Variants in WWP2 observed in about 807,000 individuals in gnomAD.
WWP2 encodes NEDD4-like E3 ubiquitin-protein ligase WWP2.
WWP2 carries 57 observed loss-of-function variants against 121.0 expected under a neutral mutation model. That is an observed-to-expected ratio of 0.47 (90% CI 0.38 to 0.59). The LOEUF (loss-of-function observed/expected upper bound fraction) is 0.59, where lower values mean the gene tolerates loss of function less well. Ranked by LOEUF, WWP2 falls within the 20% of genes least tolerant of loss-of-function variation. The pLI, the probability that WWP2 is intolerant of heterozygous loss-of-function variation, is 0.00. For missense variants in WWP2, 962 were observed against 1,158.9 expected (o/e 0.83, Z 2.47); for synonymous variants, 449 against 441.3 (o/e 1.02, Z -0.22).
chr16:69,840,360 T>G (rs1668667230), intron 5 of WWP2, 97 bp downstream of exon 5: 2 of 1,542,750 alleles, frequency 1.3e-6, no homozygotes, highest in Admixed American at 1.8e-5. Flanking sequence ...TAGGCCATCT[T>G]GGTTTGATTC....
At chr16:69,896,267 C>A (rs1015451514) in intron 8 of WWP2, among the ~76,000 whole-genome samples, 1 of 152,048 alleles carries the variant, frequency 6.6e-6, no homozygotes, top group Non-Finnish European at 1.5e-5. Context: ...GACTACCATG[C>A]GCCACCATGC....
Position 69,842,102 on chromosome 16 carries a change from G to T in WWP2, c.557G>T (p.Cys186Phe). Residue 186 changes from cysteine (C) to phenylalanine (F), a missense_variant, in exon 6 of 24, where the codon TGC becomes TTC. Around this residue, in one of 3 missense-constraint regions of WWP2, gnomAD observed 211 missense variants for 196.5 expected, o/e 1.07. Coordinates refer to ENST00000359154, the MANE Select transcript of WWP2 (RefSeq NM_001270454.2). ...CGGCACCAGCCCCCCAGCACAAACT[G>T]CTTTGGTGGAAGATCCCGGTAAGAC... is the stretch of plus-strand genomic sequence containing the variant. ...ENRHQPPSTN[C>F]FGGRSRTHRH... is the part of the protein sequence containing the mutation. The T allele has an allele frequency of 6.2e-7, 1 of 1,613,028 alleles. No homozygotes were observed. Among genetic ancestry groups the T allele is most frequent in the Non-Finnish European group, 8.5e-7 (1 of 1,179,624 alleles).
chr16:69,917,637 C>T, intron 9 of WWP2, 72 bp from the exon 10 acceptor site: 3 of 1,557,270 alleles, frequency 1.9e-6, no homozygotes, highest in Non-Finnish European at 1.8e-6. Flanking sequence ...GCTAGGCATC[C>T]TGAGACTTTT....
At chr16:69,784,894 C>T (rs777817772) in intron 1 of WWP2, among the ~76,000 whole-genome samples, 25 of 151,322 alleles carry the variant, frequency 1.7e-4, no homozygotes, top group Non-Finnish European at 3.7e-4. Context: ...GAAAACAACA[C>T]AGTATTTGTT....
rs377056658 is a variant in WWP2, at chr16:69,906,552, A to T, written c.915-2209A>T. On this transcript the variant is annotated intron_variant, in intron 8 of 23. Transcript: ENST00000359154. Reference sequence around the variant, plus strand: ...CATATACAGTTAGCTCTGCTATAACATATGTGCTCCTAAAAGTCAGCACGT... The same window carrying T: ...CATATACAGTTAGCTCTGCTATAACTTATGTGCTCCTAAAAGTCAGCACGT... 4.6e-5 allele frequency among the ~76,000 whole-genome samples: 7 copies of T among 152,356 alleles called. No homozygotes were observed. In the East Asian group the frequency reaches 1.3e-3, roughly 29 times the overall value.
intron 7 of WWP2, among the ~76,000 whole-genome samples, chr16:69,878,336 T>A (rs1181941122): frequency 6.6e-6 from 1 of 152,194 alleles, no homozygotes; most frequent in African/African-American, 2.4e-5. Flanking sequence ...ACCTGCTGGA[T>A]GTCAGGTTGC....
At chr16:69,932,993 T>C in intron 16 of WWP2, 2 of 471,744 alleles carry the variant, frequency 4.2e-6, no homozygotes, top group South Asian at 3.1e-5. Context: ...CCTTCTGCGC[T>C]GGCCCCGTGG....
At chr16:69,849,516 G>T (rs868275207) in intron 6 of WWP2, among the ~76,000 whole-genome samples, 14 of 76,126 alleles carry the variant, frequency 1.8e-4, no homozygotes, top group African/African-American at 6.4e-4. Flanking sequence ...CATTCATTCA[G>T]TTATAATTAA....
chr16:69,898,844 C>G (rs752834019), intron 8 of WWP2, among the ~76,000 whole-genome samples: 1 of 152,172 alleles, frequency 6.6e-6, no homozygotes, highest in Non-Finnish European at 1.5e-5. Flanking sequence ...GCTGGGATTA[C>G]AGGCATGTGC....
chr16:69,891,629 C>T (rs375714295), intron 8 of WWP2, among the ~76,000 whole-genome samples: 3 of 152,104 alleles, frequency 2.0e-5, no homozygotes, highest in Non-Finnish European at 4.4e-5. Context: ...TTTCATGATG[C>T]GTGCCCTGGT....
chr16:69,898,960 T>A (rs1306373722), intron 8 of WWP2, among the ~76,000 whole-genome samples: 1 of 152,186 alleles, frequency 6.6e-6, no homozygotes, highest in Non-Finnish European at 1.5e-5. Flanking sequence ...TGCCTCGGCC[T>A]CCCAAAGTGC....
intron 1 of WWP2, among the ~76,000 whole-genome samples, chr16:69,768,562 A>T (rs1367420694): frequency 6.6e-6 from 1 of 152,166 alleles, no homozygotes; most frequent in Non-Finnish European, 1.5e-5. Context: ...GTGAGCCGAG[A>T]TTGCATCACT....
chr16:69,810,973 T>C (rs2056381355), intron 4 of WWP2, among the ~76,000 whole-genome samples: 1 of 152,102 alleles, frequency 6.6e-6, no homozygotes, highest in Non-Finnish European at 1.5e-5. Context: ...CAGGCTGGTC[T>C]TGAACTCCTG....
intron 9 of WWP2, among the ~76,000 whole-genome samples, chr16:69,913,987 G>A (rs1252681446): frequency 2.8e-5 from 4 of 142,650 alleles, no homozygotes; most frequent in South Asian, 2.2e-4. Flanking sequence ...AAGGAGAATC[G>A]CTTGAACCTG....
intron 4 of WWP2, among the ~76,000 whole-genome samples, chr16:69,816,132 C>T (rs2056485230): frequency 6.6e-6 from 1 of 152,088 alleles, no homozygotes; most frequent in South Asian, 2.1e-4. Context: ...TTTTTTCAAC[C>T]TGGTAAACCA....
At chr16:69,906,376 G>GT (rs571017239) in intron 8 of WWP2, among the ~76,000 whole-genome samples, 84 of 152,106 alleles carry the variant, frequency 5.5e-4, no homozygotes, top group Admixed American at 1.0e-3. Flanking sequence ...CCGGCCTTAC[G>GT]TATCTGTTTC....
intron 6 of WWP2, among the ~76,000 whole-genome samples, chr16:69,858,370 A>G (rs561949823): frequency 2.0e-5 from 3 of 152,200 alleles, no homozygotes; most frequent in African/African-American, 4.8e-5. Context: ...TAGCAGCTCA[A>G]TAAATATTTG....
At chr16:69,898,181 C>T (rs930250536) in intron 8 of WWP2, among the ~76,000 whole-genome samples, 9 of 151,896 alleles carry the variant, frequency 5.9e-5, no homozygotes, top group Admixed American at 4.6e-4. Flanking sequence ...GCATCTACCA[C>T]CATGCTTGGC....
rs542288952 is a variant in WWP2 at position 69,826,938 on chromosome 16, C to CAA, written c.341-13173_341-13172dup. ...TGGGTGACAGAGCGAGACTCCACCT[C>CAA]AAAAAAAAAAAAAAAAGGGGGGGGG... On this transcript the variant is annotated intron_variant, in intron 4 of 23. Coordinates refer to ENST00000359154, the MANE Select transcript of WWP2 (RefSeq NM_001270454.2). 2.9e-3 allele frequency among the ~76,000 whole-genome samples: 243 copies of CAA among 85,190 alleles called. 15 individuals carry two copies. Among genetic ancestry groups the CAA allele is most frequent in the South Asian group, 8.6e-3 (16 of 1,862 alleles). 55.9% of individuals were successfully genotyped at this position (85,190 alleles called of 152,430 possible). A position where few individuals can be genotyped will look rare whatever the true frequency, so the allele number is the denominator to read the frequency against.
Sources: gnomAD v4.1 joint callset for allele counts (sites outside exome capture counted in the v4.1 genomes callset) on GRCh38, gnomAD v4.1.1 for gene constraint, gnomAD v4.1.1 regional missense constraint, MANE v1.5 for transcripts, NCBI Gene and HGNC (gene_info 2026-07-23, HGNC 2026-07-21) for gene names.